ELP4: variants seen among roughly 807,000 people sequenced by gnomAD.
ELP4 encodes the protein elongator acetyltransferase complex subunit 4, also known as elongator complex protein 4.
Under a neutral mutation model 48.9 loss-of-function variants are expected in ELP4, and 51 were observed. The observed-to-expected ratio is 1.04, with a 90% CI of 0.83 to 1.32. ELP4 has a LOEUF of 1.32. Among genes scored for constraint, ELP4 ranks in the 40% most tolerant of loss-of-function variants. The probability of loss-of-function intolerance (pLI) is 0.00; values close to 1 mark genes in which losing one functional copy is unlikely to be tolerated. For synonymous variants in ELP4, 210 were observed against 189.2 expected (o/e 1.11, Z -0.90); for missense variants, 519 against 514.6 (o/e 1.01, Z -0.08).
chr11:31,647,688 T>C (rs1017528539), intron 7 of ELP4, 53 bp from the exon 8 acceptor site: 6 of 1,070,026 alleles, frequency 5.6e-6, no homozygotes, highest in East Asian at 2.5e-5. Flanking sequence ...TTTATAGATA[T>C]TATACTATTA....
At chr11:31,513,240 A>G (rs1358530665) in intron 1 of ELP4, among the ~76,000 whole-genome samples, 2 of 152,174 alleles carry the variant, frequency 1.3e-5, no homozygotes, top group East Asian at 1.9e-4. Flanking sequence ...AAATTATTTC[A>G]TGTGACTTAA....
chr11:31,733,246 C>T (rs576762200), intron 9 of ELP4, among the ~76,000 whole-genome samples: 50 of 152,070 alleles, frequency 3.3e-4, no homozygotes, highest in African/African-American at 1.1e-3. Flanking sequence ...GAGGCTGAGG[C>T]GGGTGGATCA....
chr11:31,577,232 G>A (rs1053111557), intron 3 of ELP4, among the ~76,000 whole-genome samples: 6 of 151,956 alleles, frequency 3.9e-5, no homozygotes, highest in Admixed American at 1.3e-4. Flanking sequence ...ACGACTAAAC[G>A]AGGAAGAAGT....
At chr11:31,746,386 G>T (rs1441765817) in intron 9 of ELP4, among the ~76,000 whole-genome samples, 1 of 152,164 alleles carries the variant, frequency 6.6e-6, no homozygotes, top group Non-Finnish European at 1.5e-5. Flanking sequence ...TCCCATTACT[G>T]GGTATATACC....
At chr11:31,628,088 G>A (rs1944784906) in intron 6 of ELP4, among the ~76,000 whole-genome samples, 1 of 151,964 alleles carries the variant, frequency 6.6e-6, no homozygotes, top group Non-Finnish European at 1.5e-5. Context: ...GTATGATAAA[G>A]TACAGTCATT....
chr11:31,691,540 G>A (rs1946281208), intron 9 of ELP4, among the ~76,000 whole-genome samples: 1 of 151,916 alleles, frequency 6.6e-6, no homozygotes, highest in South Asian at 2.1e-4. Context: ...CTTGCTTTTA[G>A]TACATCATTT....
chr11:31,606,374 A>G (rs1460669822), intron 5 of ELP4, among the ~76,000 whole-genome samples: 1 of 152,142 alleles, frequency 6.6e-6, no homozygotes, highest in Non-Finnish European at 1.5e-5. Context: ...TACTTTTCCT[A>G]TAATTAAGGC....
chr11:31,712,116 A>G (rs892794978), intron 9 of ELP4, among the ~76,000 whole-genome samples: 1 of 152,090 alleles, frequency 6.6e-6, no homozygotes, highest in Non-Finnish European at 1.5e-5. Context: ...ATCATTATGA[A>G]CAACCTAGAA....
chr11:31,545,553 A>G (rs1284977930), intron 3 of ELP4, among the ~76,000 whole-genome samples: 1 of 152,166 alleles, frequency 6.6e-6, no homozygotes, highest in Non-Finnish European at 1.5e-5. Context: ...AAGTTGGAAA[A>G]CACTCTGCAG....
chr11:31,668,617 C>T (rs2134102150), intron 9 of ELP4, among the ~76,000 whole-genome samples: 1 of 147,984 alleles, frequency 6.8e-6, no homozygotes, highest in South Asian at 2.2e-4. Context: ...TTCGCCACCG[C>T]ACCTAGCTGT....
intron 4 of ELP4, among the ~76,000 whole-genome samples, chr11:31,603,060 A>G (rs183755322): frequency 2.0e-3 from 304 of 152,114 alleles, no homozygotes; most frequent in African/African-American, 7.0e-3. Flanking sequence ...TTCTTATAAG[A>G]AAGATAATTT....
intron 8 of ELP4, chr11:31,649,834 G>A (rs768417888): frequency 1.2e-4 from 31 of 258,218 alleles, no homozygotes; most frequent in Non-Finnish European, 8.7e-5. Flanking sequence ...CACACAAACC[G>A]GCTGTAGTTT....
chr11:31,556,292 G>T (rs1221678634), intron 3 of ELP4, among the ~76,000 whole-genome samples: 1 of 151,806 alleles, frequency 6.6e-6, no homozygotes, highest in Non-Finnish European at 1.5e-5. Flanking sequence ...GTATTTTTCA[G>T]TTAGCTTTCT....
chr11:31,765,797 TA>T (rs1948029124), intron 9 of ELP4, among the ~76,000 whole-genome samples: 1 of 152,222 alleles, frequency 6.6e-6, no homozygotes, highest in East Asian at 1.9e-4. Flanking sequence ...TAGTGTTACT[TA>T]AAAACTGTTC....
At chr11:31,641,362 G>T (rs1315924992) in intron 7 of ELP4, among the ~76,000 whole-genome samples, 1 of 151,796 alleles carries the variant, frequency 6.6e-6, no homozygotes, top group Non-Finnish European at 1.5e-5. Flanking sequence ...TCAAGAAAGT[G>T]TATATATCAA....
At chr11:31,682,132 T>C (rs1946066902) in intron 9 of ELP4, 1 of 1,179,600 alleles carries the variant, frequency 8.5e-7, no homozygotes, top group Admixed American at 3.5e-5. Flanking sequence ...CCCATCCAAC[T>C]ATGCAACAGT....
chr11:31,742,340 G>A (rs1246049671), intron 9 of ELP4, among the ~76,000 whole-genome samples: 2 of 152,194 alleles, frequency 1.3e-5, no homozygotes, highest in Non-Finnish European at 2.9e-5. Flanking sequence ...TTATCCAGGA[G>A]AACTTCCCCA....
chr11:31,536,851 T>C (rs951963112), intron 2 of ELP4, among the ~76,000 whole-genome samples: 2 of 152,370 alleles, frequency 1.3e-5, no homozygotes, highest in South Asian at 4.1e-4. Flanking sequence ...TACTGCATTA[T>C]GAAAGTTGCT....
At position 31,695,730 on chromosome 11, in the gene ELP4, T is replaced by G. The variant is rs1946388600; in HGVS notation, c.1143+45509T>G. Among the ~76,000 whole-genome samples, 3 of 145,416 alleles carry G rather than the reference T, an allele frequency of 2.1e-5. No homozygotes were observed. In the South Asian group the frequency reaches 7.1e-4, roughly 34 times the overall value. ...TCTTTTTCTATTGATTGGAATAGTT[T>G]CAGAAGGAATGGTACCAGCTCCTCC... On this transcript the variant is annotated intron_variant, in intron 9 of 9. Transcript: ENST00000640961.
Sources: allele counts gnomAD v4.1 joint callset (sites outside exome capture counted in the v4.1 genomes callset), GRCh38; gene constraint gnomAD v4.1.1; transcripts MANE v1.5; gene names NCBI Gene and HGNC (gene_info 2026-07-23, HGNC 2026-07-21).